The following VPS8 variants were observed in gnomAD, a reference collection of about 807,000 sequenced individuals.
VPS8 encodes vacuolar protein sorting-associated protein 8 homolog.
A neutral mutation model predicts 216.4 loss-of-function variants in VPS8; 129 were observed. The observed-to-expected ratio is 0.60, with a 90% CI of 0.52 to 0.69. The LOEUF (loss-of-function observed/expected upper bound fraction) is 0.69, where lower values mean the gene tolerates loss of function less well. Among genes scored for constraint, VPS8 ranks in the 30% least tolerant of loss-of-function variants. VPS8 has a pLI of 0.00. For synonymous variants in VPS8, 571 were observed against 565.4 expected (o/e 1.01, Z -0.14); for missense variants, 1,531 against 1,683.5 (o/e 0.91, Z 1.59).
intron 45 of VPS8, among the ~76,000 whole-genome samples, chr3:185,022,076 T>C (rs1756740961): frequency 6.6e-6 from 1 of 152,288 alleles, no homozygotes; most frequent in African/African-American, 2.4e-5. Flanking sequence ...AATTGAATCA[T>C]GGGGGCGGTT....
At chr3:184,816,056 C>G (rs1206932297) in intron 1 of VPS8, 2 of 152,076 alleles carry the variant, frequency 1.3e-5, no homozygotes, top group Non-Finnish European at 2.9e-5. Context: ...GGCCCTTGTG[C>G]TTTTTAGGAG....
chr3:184,817,300 T>C (rs1716540521), intron 1 of VPS8: 1 of 151,912 alleles, frequency 6.6e-6, no homozygotes, highest in Non-Finnish European at 1.5e-5. Flanking sequence ...GGTAGATGGG[T>C]GGGTTGATCA....
chr3:184,941,990 C>A (rs998853621), intron 36 of VPS8, among the ~76,000 whole-genome samples: 1 of 151,644 alleles, frequency 6.6e-6, no homozygotes, highest in Non-Finnish European at 1.5e-5. Context: ...TTGGATTCAT[C>A]ATATTTTATC....
chr3:184,939,992 G>A (rs1742364680), intron 35 of VPS8, among the ~76,000 whole-genome samples: 1 of 152,106 alleles, frequency 6.6e-6, no homozygotes, highest in Non-Finnish European at 1.5e-5. Flanking sequence ...ACACTGAGAA[G>A]TGAATGTGCG....
chr3:184,964,066 TTTTG>T lies in VPS8; in HGVS notation c.3184-398_3184-395del, dbSNP rs375840780. Among the ~76,000 whole-genome samples, 413 of 151,986 alleles carry T rather than the reference TTTTG, an allele frequency of 2.7e-3. 2 individuals are homozygous for T. Among genetic ancestry groups the T allele is most frequent in the African/African-American group, 9.8e-3 (407 of 41,562 alleles). ...TACTTCTTTTTTTACTAATTAGAGA[TTTTG>T]TTTATTAATTTTTATTAATATTTCA... is the stretch of plus-strand genomic sequence containing the variant. On this transcript the variant is annotated intron_variant, in intron 37 of 47. Transcript: ENST00000625842.
intron 36 of VPS8, chr3:184,944,404 G>A (rs566064031): frequency 1.8e-5 from 10 of 568,508 alleles, no homozygotes; most frequent in Middle Eastern, 8.6e-4. Flanking sequence ...CAGCTGCTAC[G>A]TAAAGCCCGA....
chr3:185,024,382 C>G lies in VPS8; in HGVS notation c.4049C>G (p.Ala1350Gly), dbSNP rs1186200960. 6.3e-7 allele frequency: 1 copy of G among 1,596,692 alleles called. No homozygotes were observed. Among genetic ancestry groups the G allele is most frequent in the Non-Finnish European group, 8.5e-7 (1 of 1,170,824 alleles). ...CATCAGTCCAAAGGGGATCCCACTGCTAAAAAGGTGAGTTTGTTTTAAAGG... is the reference window on the plus strand; with the variant it reads ...CATCAGTCCAAAGGGGATCCCACTGGTAAAAAGGTGAGTTTGTTTTAAAGG... ...SYHQSKGDPT[A>G]KKGTSEPVLD... The change falls in exon 46 of 48, where the codon GCT becomes GGT. Residue 1350 changes from alanine to glycine, a missense_variant. Ala to Gly is a moderately conservative substitution (Grantham distance 60). Coordinates refer to ENST00000625842, the MANE Select transcript of VPS8 (RefSeq NM_001009921.3).
chr3:185,033,750 A>C (rs1758500442), intron 46 of VPS8, among the ~76,000 whole-genome samples: 2 of 152,214 alleles, frequency 1.3e-5, no homozygotes, highest in African/African-American at 4.8e-5. Flanking sequence ...AATGAATGAG[A>C]GTTCCTATTG....
At chr3:184,827,128 A>G (rs1718970248) in intron 3 of VPS8, among the ~76,000 whole-genome samples, 1 of 152,264 alleles carries the variant, frequency 6.6e-6, no homozygotes, top group Admixed American at 6.5e-5. Flanking sequence ...GTTCCCTGAC[A>G]GAAAGGCCCA....
chr3:184,945,347 C>G (rs910330522), intron 36 of VPS8, among the ~76,000 whole-genome samples: 4 of 151,570 alleles, frequency 2.6e-5, no homozygotes, highest in African/African-American at 9.7e-5. Flanking sequence ...TACAGCATAC[C>G]AAGCACTTGA....
chr3:185,033,764 C>T (rs1758502608), intron 46 of VPS8, among the ~76,000 whole-genome samples: 1 of 152,206 alleles, frequency 6.6e-6, no homozygotes, highest in Non-Finnish European at 1.5e-5. Context: ...CCTATTGCTC[C>T]ACATCCTCAC....
intron 25 of VPS8, among the ~76,000 whole-genome samples, chr3:184,903,084 G>C (rs562509582): frequency 4.6e-5 from 7 of 152,234 alleles, no homozygotes; most frequent in African/African-American, 1.7e-4. Context: ...TTTATGAAAA[G>C]TCAAGTGACC....
intron 25 of VPS8, among the ~76,000 whole-genome samples, chr3:184,903,150 C>A (rs1734873379): frequency 6.6e-6 from 1 of 152,176 alleles, no homozygotes; most frequent in African/African-American, 2.4e-5. Context: ...AGCTGTATGT[C>A]TATCCTTGTC....
rs943799970 is a variant in VPS8 at position 184,941,637 on chromosome 3, C to T, written c.3035+1394C>T. Reference sequence around the variant, plus strand: ...GGAGCTCAGGGGAGGAGGAAGGAAACGCCAGCCCCACTTCTCAGCCCTTTC... The same window carrying T: ...GGAGCTCAGGGGAGGAGGAAGGAAATGCCAGCCCCACTTCTCAGCCCTTTC... On this transcript the variant is annotated intron_variant, in intron 36 of 47. Transcript: ENST00000625842. Among the ~76,000 whole-genome samples the T allele has an allele frequency of 3.3e-5, 5 of 151,858 alleles. 1 individual carries two copies. Among genetic ancestry groups the T allele is most frequent in the South Asian group, 4.1e-4 (2 of 4,822 alleles).
At chr3:184,893,461 C>A in intron 22 of VPS8, 1 of 757,958 alleles carries the variant, frequency 1.3e-6, no homozygotes, top group Non-Finnish European at 1.7e-6. Context: ...ACAGAATGAA[C>A]AAAGAAGTGA....
intron 36 of VPS8, among the ~76,000 whole-genome samples, chr3:184,953,084 GGGGTCTGTTACCAAACTGAACCT>G (rs1744992203): frequency 6.6e-6 from 1 of 152,106 alleles, no homozygotes. Context: ...TTTTTAAGAT[GGGGTCTGTTACCAAACTGAACCT>G]GGGTCCACTT....
At chr3:184,995,681 A>C (rs1752522765) in intron 43 of VPS8, among the ~76,000 whole-genome samples, 1 of 152,236 alleles carries the variant, frequency 6.6e-6, no homozygotes, top group African/African-American at 2.4e-5. Context: ...TACAGTACAA[A>C]AACAATACTA....
At position 184,971,773 on chromosome 3, in the gene VPS8, G is replaced by A. The variant is rs1560930289; in HGVS notation, c.3420+21G>A. 3.1e-6 allele frequency: 5 copies of A among 1,601,842 alleles called. No individual in the cohort carries two copies. In the African/African-American group the frequency reaches 6.7e-5, roughly 21 times the overall value. ...GTGAGGTAGGAGAATGACTGTTTAG[G>A]TATTTAAAAGCCTGTACTTGGCCAG... On this transcript the variant is annotated intron_variant, in intron 40 of 47. Coordinates refer to ENST00000625842, the MANE Select transcript of VPS8 (RefSeq NM_001009921.3).
chr3:184,909,015 T>C (rs1481958755), intron 25 of VPS8, among the ~76,000 whole-genome samples: 5 of 152,204 alleles, frequency 3.3e-5, no homozygotes. Flanking sequence ...TCCGGACCAG[T>C]AATCTGGTCT....
Sources: gnomAD v4.1 joint callset for allele counts (sites outside exome capture counted in the v4.1 genomes callset) on GRCh38, gnomAD v4.1.1 for gene constraint, MANE v1.5 for transcripts, NCBI Gene and HGNC (gene_info 2026-07-23, HGNC 2026-07-21) for gene names.